The following CPSF2 variants were observed in gnomAD, a reference collection of about 807,000 sequenced individuals.
CPSF2 encodes the protein cleavage and polyadenylation specificity factor subunit 2.
Under a neutral mutation model 84.2 loss-of-function variants are expected in CPSF2, and 51 were observed. The observed-to-expected ratio is 0.61, with a 90% confidence interval of 0.48 to 0.77. The LOEUF (loss-of-function observed/expected upper bound fraction) is 0.77, where lower values mean the gene tolerates loss of function less well. CPSF2 is among the 30% of genes least tolerant of loss of function. The probability of loss-of-function intolerance (pLI) is 0.00; values close to 1 mark genes in which losing one functional copy is unlikely to be tolerated. For missense variants in CPSF2, 641 were observed against 929.4 expected (o/e 0.69, Z 4.03); for synonymous variants, 286 against 311.9 (o/e 0.92, Z 0.87).
chr14:92,161,002 G>GGAATAATA lies in CPSF2; in HGVS notation c.2122-106_2122-99dup, dbSNP rs2069364267. The GGAATAATA allele has an allele frequency of 1.2e-5, 13 of 1,040,804 alleles. 1 individual carries two copies. In the East Asian group the frequency reaches 3.5e-4, roughly 28 times the overall value. The allele number at this position is 1,040,804 out of a possible 1,614,324, so 64.5% of individuals were successfully genotyped here. On this transcript the variant is annotated intron_variant, in intron 14 of 15. Coordinates refer to ENST00000298875, the MANE Select transcript of CPSF2 (RefSeq NM_017437.3). ...GAAATGATCTGTCAAAGGACTTCAG[G>GGAATAATA]GAATAATAGAAAATCTCTTAGAGAT...
intron 9 of CPSF2, among the ~76,000 whole-genome samples, chr14:92,147,631 C>T (rs987998705): frequency 6.6e-6 from 1 of 152,030 alleles, no homozygotes; most frequent in Non-Finnish European, 1.5e-5. Flanking sequence ...TTAAAAAAAA[C>T]CCACTATTTT....
In CPSF2 at chr14:92,142,370, A is replaced by G; in HGVS notation, c.849+19A>G. 1 of 1,586,066 alleles carries G rather than the reference A, an allele frequency of 6.3e-7. No individual in the cohort carries two copies. Among genetic ancestry groups the G allele is most frequent in the Non-Finnish European group, 8.6e-7 (1 of 1,162,964 alleles). On this transcript the variant is annotated intron_variant, in intron 8 of 15. Transcript: ENST00000298875. ...GTCCCAGGTTTGTTCTCATGTTGTC[A>G]CTTGTAATAAGTTTGCTACAGTGAT... is the stretch of plus-strand genomic sequence containing the variant.
chr14:92,155,441 G>A, intron 11 of CPSF2, 118 bp downstream of exon 11: 1 of 778,910 alleles, frequency 1.3e-6, no homozygotes, highest in Non-Finnish European at 2.1e-6. Context: ...TATGGGGTTA[G>A]CTTCTGAGTA....
chr14:92,121,977 C>T lies in CPSF2; in HGVS notation c.-245C>T, dbSNP rs1267266162. ...TCCTCCTCGTCTCCGCCGCTAGTCT[C>T]CAGCTCCAAAATGGCGGCTGCCACT... is the stretch of plus-strand genomic sequence containing the variant. On this transcript the variant is annotated 5_prime_UTR_variant, in exon 1 of 16. Coordinates refer to ENST00000298875, the MANE Select transcript of CPSF2 (RefSeq NM_017437.3). 2.6e-6 allele frequency: 2 copies of T among 767,560 alleles called. No individual in the cohort carries two copies. Among genetic ancestry groups the T allele is most frequent in the East Asian group, 5.4e-5 (2 of 37,270 alleles). The allele number at this position is 767,560 out of a possible 1,614,324, so 47.5% of individuals were successfully genotyped here.
intron 9 of CPSF2, among the ~76,000 whole-genome samples, chr14:92,145,771 CAAT>C (rs772714747): frequency 4.5e-4 from 69 of 152,284 alleles, no homozygotes; most frequent in African/African-American, 1.6e-3. Flanking sequence ...AAAAAATAGA[CAAT>C]GATGTTTAGA....
intron 5 of CPSF2, 100 bp downstream of exon 5, chr14:92,134,455 C>A (rs967154472): frequency 1.7e-5 from 13 of 756,222 alleles, no homozygotes; most frequent in Admixed American, 5.6e-5. Flanking sequence ...GCATTATAGG[C>A]TGAAGAATAA....
At chr14:92,129,670 G>T (rs1401753890) in intron 2 of CPSF2, among the ~76,000 whole-genome samples, 1 of 152,052 alleles carries the variant, frequency 6.6e-6, no homozygotes, top group Non-Finnish European at 1.5e-5. Context: ...CTGCTTAATA[G>T]CACACAGTTC....
chr14:92,127,739 A>G (rs905194430), intron 2 of CPSF2, among the ~76,000 whole-genome samples: 1 of 152,180 alleles, frequency 6.6e-6, no homozygotes, highest in African/African-American at 2.4e-5. Flanking sequence ...CAGAAGGTGA[A>G]TAAGAATGGG....
chr14:92,156,858 G>T (rs940476789), intron 12 of CPSF2, among the ~76,000 whole-genome samples: 5 of 151,978 alleles, frequency 3.3e-5, no homozygotes, highest in Non-Finnish European at 5.9e-5. Flanking sequence ...GGTGGTGGGG[G>T]GTGCTTAAAT....
chr14:92,164,177 T>A lies in CPSF2; in HGVS notation c.*2433T>A, dbSNP rs939478182. 2.0e-5 allele frequency: 3 copies of A among 152,386 alleles called. No individual in the cohort carries two copies. Among genetic ancestry groups the A allele is most frequent in the African/African-American group, 7.2e-5 (3 of 41,476 alleles). 9.4% of individuals were successfully genotyped at this position (152,386 alleles called of 1,614,324 possible). A position where few individuals can be genotyped will look rare whatever the true frequency, so the allele number is the denominator to read the frequency against. On this transcript the variant is annotated 3_prime_UTR_variant, in exon 16 of 16. Transcript: ENST00000298875. ...CCAGCCTGTGGGACTGTGAGTCAAT[T>A]AAACGTGTTTACTTTATAAATTACC... is the stretch of plus-strand genomic sequence containing the variant.
chr14:92,137,050 TGCA>T (rs150766872), intron 6 of CPSF2, among the ~76,000 whole-genome samples: 1,844 of 152,024 alleles, frequency 0.012, 40 homozygotes, highest in African/African-American at 0.042. Context: ...GGAAAATATT[TGCA>T]GCAAGTTGCC....
At chr14:92,144,846 G>T (rs138378586) in intron 9 of CPSF2, among the ~76,000 whole-genome samples, 65 of 152,240 alleles carry the variant, frequency 4.3e-4, no homozygotes, top group African/African-American at 1.5e-3. Flanking sequence ...CTCACTCTCA[G>T]CCTTCATTCA....
At chr14:92,140,218 C>T (rs1445537604) in intron 7 of CPSF2, among the ~76,000 whole-genome samples, 4 of 151,784 alleles carry the variant, frequency 2.6e-5, no homozygotes, top group African/African-American at 4.8e-5. Flanking sequence ...TCCCAAAGTG[C>T]TGGGATTACA....
intron 9 of CPSF2, among the ~76,000 whole-genome samples, chr14:92,147,812 C>T (rs770378632): frequency 5.3e-5 from 8 of 152,206 alleles, no homozygotes; most frequent in Non-Finnish European, 1.2e-4. Flanking sequence ...CAGTCTTGAA[C>T]TCTTGGGCTC....
chr14:92,161,777 T>A lies in CPSF2; in HGVS notation c.*33T>A. Reference sequence around the variant, plus strand: ...GATGTCAAGAAGTATCTGCTTGACCTTTCTAAGAAAAAGGGATTCTTATCT... The same window carrying A: ...GATGTCAAGAAGTATCTGCTTGACCATTCTAAGAAAAAGGGATTCTTATCT... On this transcript the variant is annotated 3_prime_UTR_variant, in exon 16 of 16. Coordinates refer to ENST00000298875, the MANE Select transcript of CPSF2 (RefSeq NM_017437.3). 1.6e-6 allele frequency: 2 copies of A among 1,252,394 alleles called. No homozygotes were observed. The highest frequency in any genetic ancestry group is 2.2e-6 in the Non-Finnish European group (2 of 898,032). The allele number at this position is 1,252,394 out of a possible 1,614,324, so 77.6% of individuals were successfully genotyped here.
intron 1 of CPSF2, among the ~76,000 whole-genome samples, chr14:92,125,888 G>A (rs905530632): frequency 6.6e-6 from 1 of 151,680 alleles, no homozygotes; most frequent in Non-Finnish European, 1.5e-5. Context: ...AATAACATAA[G>A]GTAATGTCAA....
chr14:92,161,786 A>G lies in CPSF2; in HGVS notation c.*42A>G. The G allele has an allele frequency of 8.9e-7, 1 of 1,125,942 alleles. No individual in the cohort carries two copies. The highest frequency in any genetic ancestry group is 1.5e-5 in the South Asian group (1 of 66,354). The allele number at this position is 1,125,942 out of a possible 1,614,324, so 69.7% of individuals were successfully genotyped here. ...AAGTATCTGCTTGACCTTTCTAAGA[A>G]AAAGGGATTCTTATCTTACTCTGAG... On this transcript the variant is annotated 3_prime_UTR_variant, in exon 16 of 16. Coordinates refer to ENST00000298875, the MANE Select transcript of CPSF2 (RefSeq NM_017437.3).
chr14:92,150,459 T>G (rs2069200503), intron 9 of CPSF2, among the ~76,000 whole-genome samples: 1 of 149,732 alleles, frequency 6.7e-6, no homozygotes, highest in Non-Finnish European at 1.5e-5. Context: ...TGAGTTTGGG[T>G]CTCTGTTGCC....
At chr14:92,138,133 A>G in intron 6 of CPSF2, 99 bp from the exon 7 acceptor site, 1 of 503,414 alleles carries the variant, frequency 2.0e-6, no homozygotes, top group Non-Finnish European at 3.5e-6. Flanking sequence ...AGAGGAGGGA[A>G]CACCTTATAA....
Sources: gnomAD v4.1 joint callset for allele counts (sites outside exome capture counted in the v4.1 genomes callset) on GRCh38, gnomAD v4.1.1 for gene constraint, MANE v1.5 for transcripts, NCBI Gene and HGNC (gene_info 2026-07-23, HGNC 2026-07-21) for gene names.